ZSWIM6: variants seen among roughly 807,000 people sequenced by gnomAD.
ZSWIM6 encodes the protein zinc finger SWIM-type containing 6.
ZSWIM6 carries 9 observed loss-of-function variants against 113.2 expected under a neutral mutation model. The observed-to-expected ratio is 0.08, with a 90% confidence interval of 0.05 to 0.14. The LOEUF (loss-of-function observed/expected upper bound fraction) is 0.14. ZSWIM6 is among the 10% of genes least tolerant of loss of function. The pLI is 1.00. For synonymous variants in ZSWIM6, 611 were observed against 606.5 expected (o/e 1.01, Z -0.11); for missense variants, 1,162 against 1,552.2 (o/e 0.75, Z 4.22).
intron 1 of ZSWIM6, among the ~76,000 whole-genome samples, chr5:61,465,813 T>C (rs944192246): frequency 1.8e-4 from 27 of 152,232 alleles, no homozygotes; most frequent in Non-Finnish European, 2.9e-5. Context: ...TAAATAGGCA[T>C]TTTTAAGGTA....
At chr5:61,351,524 T>G (rs1237889047) in intron 1 of ZSWIM6, among the ~76,000 whole-genome samples, 1 of 152,238 alleles carries the variant, frequency 6.6e-6, no homozygotes, top group African/African-American at 2.4e-5. Context: ...TTTCCCCCAA[T>G]TTAAAGATTT....
chr5:61,394,916 G>A (rs1745808542), intron 1 of ZSWIM6, among the ~76,000 whole-genome samples: 1 of 152,148 alleles, frequency 6.6e-6, no homozygotes, highest in Non-Finnish European at 1.5e-5. Flanking sequence ...AGACCATAGT[G>A]GACGTTGTGT....
intron 1 of ZSWIM6, among the ~76,000 whole-genome samples, chr5:61,406,126 A>G (rs1191597950): frequency 6.6e-6 from 1 of 152,186 alleles, no homozygotes; most frequent in Admixed American, 6.5e-5. Context: ...ATTAACACAC[A>G]GGTACTTTGA....
At position 61,543,879 on chromosome 5, in the gene ZSWIM6, T is replaced by C. The variant is rs1335044070; in HGVS notation, c.3210T>C (p.Asn1070=). The C allele has an allele frequency of 1.3e-6, 2 of 1,551,896 alleles. No homozygotes were observed. The highest frequency in any genetic ancestry group is 1.7e-6 in the Non-Finnish European group (2 of 1,147,066). ...SYNQDTHPAI[N]DVLWACALSH... is the part of the protein sequence containing the mutation. Reference sequence around the variant, plus strand: ...ATCAGGACACACACCCTGCCATTAATGATGTTTTGTGGGCCTGTGCGCTTA... The same window carrying C: ...ATCAGGACACACACCCTGCCATTAACGATGTTTTGTGGGCCTGTGCGCTTA... The change falls in exon 14 of 14, where the codon AAT becomes AAC. Residue 1070 remains asparagine (N), a synonymous_variant. Coordinates refer to ENST00000252744, the MANE Select transcript of ZSWIM6 (RefSeq NM_020928.2). The surrounding 1 kb of genome is among the most constrained non-coding windows in gnomAD (Gnocchi z 4.3).
In ZSWIM6 at chr5:61,462,366, ATTTCT is replaced by A. The variant is rs201054312; in HGVS notation, c.677-10312_677-10308del. Among the ~76,000 whole-genome samples, 1,391 of 152,354 alleles carry A rather than the reference ATTTCT, an allele frequency of 9.1e-3. 17 individuals are homozygous for A. Among genetic ancestry groups the A allele is most frequent in the Non-Finnish European group, 0.014 (969 of 68,032 alleles). On this transcript the variant is annotated intron_variant, in intron 1 of 13. Transcript: ENST00000252744. ...AAATCTTCAAAGGGAAGAGTGAAAC[ATTTCT>A]TTAACTGATTAAAACTAAAAGTTAT...
At chr5:61,356,085 ACTGTGTGTGTGTGT>A (rs1744901386) in intron 1 of ZSWIM6, among the ~76,000 whole-genome samples, 2 of 152,220 alleles carry the variant, frequency 1.3e-5, no homozygotes, top group South Asian at 2.1e-4. Flanking sequence ...GTTTCAAAAC[ACTGTGTGTGTGTGT>A]CTGTGTGTGT....
chr5:61,492,268 T>C (rs1296603097), intron 3 of ZSWIM6, among the ~76,000 whole-genome samples: 1 of 152,138 alleles, frequency 6.6e-6, no homozygotes, highest in African/African-American at 2.4e-5. Flanking sequence ...ACACAGGAAG[T>C]ATTTCATATA....
At chr5:61,531,382 C>A in intron 8 of ZSWIM6, 83 bp from the exon 9 acceptor site, 3 of 1,419,948 alleles carry the variant, frequency 2.1e-6, no homozygotes, top group Non-Finnish European at 2.8e-6. Context: ...TTTGCTTGTA[C>A]GGGGAAGTAT....
intron 1 of ZSWIM6, among the ~76,000 whole-genome samples, chr5:61,355,099 A>G (rs1338388391): frequency 6.6e-6 from 1 of 152,128 alleles, no homozygotes; most frequent in Non-Finnish European, 1.5e-5. Flanking sequence ...GTTTATCACA[A>G]TTCTACTAGC....
chr5:61,400,774 T>C (rs184631318), intron 1 of ZSWIM6, among the ~76,000 whole-genome samples: 9 of 152,308 alleles, frequency 5.9e-5, no homozygotes, highest in Admixed American at 5.2e-4. Flanking sequence ...TTACTGATCA[T>C]ACCTTTGAGT....
rs867817017 is a variant in ZSWIM6, at chr5:61,391,161, G to A, written c.676+58213G>A. On this transcript the variant is annotated intron_variant, in intron 1 of 13. Coordinates refer to ENST00000252744, the MANE Select transcript of ZSWIM6 (RefSeq NM_020928.2). ...GATGGGTCTTGTGGGGTAGCTTCTT[G>A]GTGTGCCAACGACTGGTGACCCCTT... 8 of 795,642 alleles carry A rather than the reference G, an allele frequency of 1.0e-5. No homozygotes were observed. In the South Asian group the frequency reaches 1.1e-4, roughly 11 times the overall value. The allele number at this position is 795,642 out of a possible 1,614,324, so 49.3% of individuals were successfully genotyped here.
At chr5:61,394,377 G>A (rs1745795494) in intron 1 of ZSWIM6, among the ~76,000 whole-genome samples, 2 of 152,216 alleles carry the variant, frequency 1.3e-5, no homozygotes, top group Admixed American at 1.3e-4. Flanking sequence ...ACTCAGCCAA[G>A]TCCTGACTGC....
chr5:61,367,235 A>G (rs1745178035), intron 1 of ZSWIM6, among the ~76,000 whole-genome samples: 1 of 151,976 alleles, frequency 6.6e-6, no homozygotes. Context: ...TGCTTACATC[A>G]GGCCTTAAGT....
intron 1 of ZSWIM6, among the ~76,000 whole-genome samples, chr5:61,334,102 T>C (rs1312785802): frequency 6.6e-6 from 1 of 152,234 alleles, no homozygotes; most frequent in African/African-American, 2.4e-5. Context: ...TAAAGTAGAA[T>C]ATATTTGACA....
chr5:61,498,772 T>C (rs911980198), intron 4 of ZSWIM6, among the ~76,000 whole-genome samples: 1 of 152,184 alleles, frequency 6.6e-6, no homozygotes, highest in African/African-American at 2.4e-5. Flanking sequence ...GAAAAACATA[T>C]GCTTAAGTCA....
chr5:61,359,695 T>C (rs1333698218), intron 1 of ZSWIM6, among the ~76,000 whole-genome samples: 2 of 152,212 alleles, frequency 1.3e-5, no homozygotes, highest in African/African-American at 2.4e-5. Flanking sequence ...GTTTGATGCT[T>C]GAAGAGCAAC....
chr5:61,489,983 A>AGATG (rs931806306), intron 2 of ZSWIM6, among the ~76,000 whole-genome samples: 1 of 152,102 alleles, frequency 6.6e-6, no homozygotes, highest in African/African-American at 2.4e-5. Flanking sequence ...GTTGATAAGC[A>AGATG]GATGAAACAC....
rs1749875655 is a variant in ZSWIM6, at chr5:61,545,886, G to T, written c.*1569G>T. 6.6e-6 allele frequency: 1 copy of T among 152,080 alleles called. No individual in the cohort carries two copies. Among genetic ancestry groups the T allele is most frequent in the African/African-American group, 2.4e-5 (1 of 41,420 alleles). The allele number at this position is 152,080 out of a possible 1,614,324, so 9.4% of individuals were successfully genotyped here. On this transcript the variant is annotated 3_prime_UTR_variant, in exon 14 of 14. Coordinates refer to ENST00000252744, the MANE Select transcript of ZSWIM6 (RefSeq NM_020928.2). ...ATTTTTATGTTTTGGTGCAAAAGTT[G>T]TCCAGTGTCTCTTGTTCCCTTCACT...
chr5:61,361,816 T>C (rs1212235323), intron 1 of ZSWIM6, among the ~76,000 whole-genome samples: 1 of 152,196 alleles, frequency 6.6e-6, no homozygotes, highest in African/African-American at 2.4e-5. Flanking sequence ...TATTAACTAT[T>C]ATCCTTTCCT....
Sources: gnomAD v4.1 joint callset for allele counts (sites outside exome capture counted in the v4.1 genomes callset) on GRCh38, gnomAD v4.1.1 for gene constraint, Gnocchi (gnomAD v3.1) non-coding constraint, MANE v1.5 for transcripts, NCBI Gene and HGNC (gene_info 2026-07-23, HGNC 2026-07-21) for gene names.